Variants in ECT2L observed in about 807,000 individuals in gnomAD.
ECT2L encodes epithelial cell-transforming sequence 2 oncogene-like.
ECT2L carries 126 observed loss-of-function variants against 122.8 expected under a neutral mutation model. The ratio of observed to expected loss-of-function variants is 1.03; its 90% CI spans 0.89 to 1.19. ECT2L has a LOEUF of 1.19. Among genes scored for constraint, ECT2L ranks in the 50% most tolerant of loss-of-function variants. ECT2L has a pLI of 0.00. For missense variants in ECT2L, 1,012 were observed against 1,064.1 expected (o/e 0.95, Z 0.68); for synonymous variants, 385 against 381.8 (o/e 1.01, Z -0.10).
chr6:138,819,517 C>A (rs1404403247), intron 4 of ECT2L, among the ~76,000 whole-genome samples: 1 of 149,168 alleles, frequency 6.7e-6, no homozygotes, highest in African/African-American at 2.4e-5. Flanking sequence ...ATGATGGCTC[C>A]ATGATAGCAA....
chr6:138,832,662 A>G (rs577897566), intron 4 of ECT2L, among the ~76,000 whole-genome samples: 42 of 152,188 alleles, frequency 2.8e-4, no homozygotes, highest in African/African-American at 1.0e-3. Flanking sequence ...TCAGTAGGAA[A>G]GCCTAGCACT....
At chr6:138,819,755 C>T (rs1010846048) in intron 4 of ECT2L, among the ~76,000 whole-genome samples, 12 of 151,762 alleles carry the variant, frequency 7.9e-5, no homozygotes, top group African/African-American at 2.2e-4. Context: ...GGCGTGGTGG[C>T]GGGCACCTCT....
At chr6:138,837,582 C>T (rs943380536) in intron 4 of ECT2L, among the ~76,000 whole-genome samples, 3 of 149,412 alleles carry the variant, frequency 2.0e-5, no homozygotes, top group African/African-American at 7.3e-5. Flanking sequence ...AGAATTTGGT[C>T]TTATAATACA....
intron 8 of ECT2L, among the ~76,000 whole-genome samples, chr6:138,848,816 C>A (rs575186273): frequency 6.6e-6 from 1 of 152,220 alleles, no homozygotes; most frequent in African/African-American, 2.4e-5. Flanking sequence ...ACCACACCCA[C>A]CTAATTTTTG....
chr6:138,844,292 A>C (rs1004958218), intron 6 of ECT2L, 120 bp from the exon 7 acceptor site: 2 of 1,177,616 alleles, frequency 1.7e-6, no homozygotes, highest in African/African-American at 3.1e-5. Flanking sequence ...AAATGGCTGT[A>C]ATTATTGTCA....
At chr6:138,797,552 C>G (rs988512216) in intron 1 of ECT2L, among the ~76,000 whole-genome samples, 2 of 152,008 alleles carry the variant, frequency 1.3e-5, no homozygotes, top group African/African-American at 2.4e-5. Flanking sequence ...CATTGCTCTT[C>G]TGTGTGATCC....
intron 1 of ECT2L, among the ~76,000 whole-genome samples, chr6:138,801,194 C>A (rs925304913): frequency 1.3e-5 from 2 of 152,164 alleles, no homozygotes; most frequent in African/African-American, 4.8e-5. Flanking sequence ...CAACAATTAT[C>A]CATTTACTCA....
chr6:138,852,426 A>T (rs909675207), intron 9 of ECT2L, among the ~76,000 whole-genome samples: 33 of 151,154 alleles, frequency 2.2e-4, no homozygotes, highest in Admixed American at 1.3e-3. Context: ...TTCCTTGCTT[A>T]TACTTAAAGT....
chr6:138,875,884 GC>G (rs1778431254), intron 13 of ECT2L, among the ~76,000 whole-genome samples: 1 of 152,188 alleles, frequency 6.6e-6, no homozygotes, highest in African/African-American at 2.4e-5. Context: ...ACTTTGGGAG[GC>G]CAAGGCGGGC....
At chr6:138,844,615 C>A in intron 7 of ECT2L, 35 bp downstream of exon 7, 1 of 1,585,210 alleles carries the variant, frequency 6.3e-7, no homozygotes, top group Non-Finnish European at 8.6e-7. Flanking sequence ...GGCTCAACAC[C>A]ATCCCAATAC....
intron 10 of ECT2L, among the ~76,000 whole-genome samples, chr6:138,858,520 AT>A (rs1376432414): frequency 2.6e-5 from 4 of 152,100 alleles, no homozygotes; most frequent in African/African-American, 9.7e-5. Flanking sequence ...ATTCTGACAT[AT>A]GTAGGCCTGC....
rs561678648 is a variant in ECT2L at position 138,895,149 on chromosome 6, T to G, written c.2415-5799T>G. On this transcript the variant is annotated intron_variant, in intron 20 of 21. Transcript: ENST00000541398. ...GTAAATGCAAAAAGATATCACACAA[T>G]ACTTAGCCTGCAACCTTGTTTTCTG... 3.3e-5 allele frequency among the ~76,000 whole-genome samples: 5 copies of G among 152,138 alleles called. No individual in the cohort carries two copies. In the East Asian group the frequency reaches 9.6e-4, roughly 29 times the overall value.
chr6:138,887,012 C>A, intron 19 of ECT2L, 90 bp downstream of exon 19: 1 of 1,082,768 alleles, frequency 9.2e-7, no homozygotes, highest in Non-Finnish European at 1.4e-6. Flanking sequence ...CCCAAGGCAG[C>A]TAGTATTTGT....
At chr6:138,886,405 GAA>G (rs1201063635) in intron 18 of ECT2L, among the ~76,000 whole-genome samples, 1 of 151,828 alleles carries the variant, frequency 6.6e-6, no homozygotes, top group Non-Finnish European at 1.5e-5. Context: ...ACAGAAAATT[GAA>G]ATTTTTTTTT....
intron 4 of ECT2L, among the ~76,000 whole-genome samples, chr6:138,829,387 G>T (rs956672261): frequency 8.5e-5 from 13 of 152,096 alleles, no homozygotes; most frequent in African/African-American, 2.9e-4. Flanking sequence ...TAACTTTAAA[G>T]AAAAGTTACA....
intron 8 of ECT2L, 37 bp downstream of exon 8, chr6:138,846,714 T>C: frequency 7.0e-7 from 1 of 1,419,766 alleles, no homozygotes; most frequent in Non-Finnish European, 9.3e-7. Context: ...GTCCTGATTG[T>C]TTTTTTGTTT....
intron 14 of ECT2L, among the ~76,000 whole-genome samples, chr6:138,877,600 A>T (rs1778496818): frequency 6.6e-6 from 1 of 152,236 alleles, no homozygotes; most frequent in East Asian, 1.9e-4. Flanking sequence ...TTACCTTATT[A>T]GATATGTCTA....
intron 12 of ECT2L, among the ~76,000 whole-genome samples, chr6:138,866,364 G>A (rs1778039314): frequency 6.6e-6 from 1 of 151,854 alleles, no homozygotes; most frequent in South Asian, 2.1e-4. Flanking sequence ...TGTCACCCAG[G>A]CTGGGCCTCC....
At chr6:138,867,867 G>A (rs949580679) in intron 12 of ECT2L, among the ~76,000 whole-genome samples, 1 of 151,296 alleles carries the variant, frequency 6.6e-6, no homozygotes, top group Non-Finnish European at 1.5e-5. Context: ...AAATTAAGCA[G>A]GCATGGTGGT....
Sources: gnomAD v4.1 joint callset for allele counts (sites outside exome capture counted in the v4.1 genomes callset) on GRCh38, gnomAD v4.1.1 for gene constraint, MANE v1.5 for transcripts, NCBI Gene and HGNC (gene_info 2026-07-23, HGNC 2026-07-21) for gene names.